Variants in WWOX observed in about 807,000 individuals in gnomAD.
WWOX encodes the protein WW domain-containing oxidoreductase.
Under a neutral mutation model 46.2 loss-of-function variants are expected in WWOX, and 69 were observed. That is an observed-to-expected ratio of 1.49 (90% CI 1.23 to 1.82). The LOEUF is 1.82. Among genes scored for constraint, WWOX ranks in the 40% most tolerant of loss-of-function variants. WWOX has a pLI of 0.00. For synonymous variants in WWOX, 359 were observed against 202.6 expected (o/e 1.77, Z -6.56); for missense variants, 919 against 542.6 (o/e 1.69, Z -6.89).
chr16:78,413,744 G>T (rs968782534), intron 6 of WWOX, among the ~76,000 whole-genome samples: 5 of 152,022 alleles, frequency 3.3e-5, no homozygotes, highest in African/African-American at 4.8e-5. Flanking sequence ...GGGAATCAAA[G>T]GTGCCCTCCT....
At position 78,914,570 on chromosome 16, in the gene WWOX, A is replaced by G. The variant is rs747413778; in HGVS notation, c.1057-297038A>G. On this transcript the variant is annotated intron_variant, in intron 8 of 8. Transcript: ENST00000566780. Reference sequence around the variant, plus strand: ...ACAGAGTGTGGGATCAAGAACTTTTAGGCACTGTGAGTATAAGAGGGAAAC... The same window carrying G: ...ACAGAGTGTGGGATCAAGAACTTTTGGGCACTGTGAGTATAAGAGGGAAAC... Among the ~76,000 whole-genome samples the G allele has an allele frequency of 6.6e-5, 10 of 152,004 alleles. 1 individual carries two copies. Among genetic ancestry groups the G allele is most frequent in the Non-Finnish European group, 1.2e-4 (8 of 67,988 alleles).
intron 8 of WWOX, among the ~76,000 whole-genome samples, chr16:78,435,090 A>G (rs2083304165): frequency 1.3e-5 from 2 of 152,196 alleles, no homozygotes; most frequent in African/African-American, 4.8e-5. Context: ...CGGTGACTGT[A>G]TCATGATATC....
At chr16:79,078,275 C>G (rs1367902474) in intron 8 of WWOX, 3 of 152,220 alleles carry the variant, frequency 2.0e-5, no homozygotes, top group East Asian at 3.9e-4. Flanking sequence ...TGACACAACT[C>G]TTCCTTGAAT....
At chr16:78,969,123 G>C (rs920914933) in intron 8 of WWOX, among the ~76,000 whole-genome samples, 2 of 152,120 alleles carry the variant, frequency 1.3e-5, no homozygotes, top group Non-Finnish European at 2.9e-5. Flanking sequence ...GGAGCAGTCA[G>C]GGGACTCCCT....
chr16:78,331,555 G>A (rs1187809771), intron 5 of WWOX, among the ~76,000 whole-genome samples: 1 of 152,184 alleles, frequency 6.6e-6, no homozygotes, highest in Non-Finnish European at 1.5e-5. Context: ...GGTGTAAGTA[G>A]GAGAGTCTAC....
intron 5 of WWOX, among the ~76,000 whole-genome samples, chr16:78,332,459 A>C (rs1218484695): frequency 1.3e-5 from 2 of 152,214 alleles, no homozygotes; most frequent in African/African-American, 4.8e-5. Context: ...GAATTCCTGC[A>C]CTAACAAGGT....
At chr16:78,262,382 T>C (rs976696294) in intron 5 of WWOX, among the ~76,000 whole-genome samples, 1 of 152,212 alleles carries the variant, frequency 6.6e-6, no homozygotes, top group Non-Finnish European at 1.5e-5. Context: ...GAAGTCTACA[T>C]TTGCTCTCAA....
intron 8 of WWOX, among the ~76,000 whole-genome samples, chr16:79,171,646 G>C (rs1201647484): frequency 6.6e-6 from 1 of 152,106 alleles, no homozygotes; most frequent in African/African-American, 2.4e-5. Flanking sequence ...AAGGGAGACT[G>C]GTTCTTCACT....
chr16:79,138,892 C>T (rs1484672948), intron 8 of WWOX, among the ~76,000 whole-genome samples: 3 of 152,190 alleles, frequency 2.0e-5, no homozygotes, highest in Admixed American at 6.5e-5. Flanking sequence ...GAGCAGAGAG[C>T]ACAGCAGGCT....
chr16:78,478,148 G>T (rs562268964), intron 8 of WWOX, among the ~76,000 whole-genome samples: 110 of 152,044 alleles, frequency 7.2e-4, no homozygotes, highest in Non-Finnish European at 1.8e-4. Flanking sequence ...AGGTATGTAC[G>T]GTTTAAAGTG....
chr16:78,664,472 A>C (rs1476054618), intron 8 of WWOX, among the ~76,000 whole-genome samples: 1 of 152,184 alleles, frequency 6.6e-6, no homozygotes, highest in Non-Finnish European at 1.5e-5. Flanking sequence ...GATCATTACC[A>C]GCCTGTACCC....
intron 8 of WWOX, among the ~76,000 whole-genome samples, chr16:78,602,444 G>C (rs1373204721): frequency 3.3e-5 from 5 of 152,136 alleles, no homozygotes; most frequent in Admixed American, 3.3e-4. Context: ...ATATTGGCCA[G>C]GCTGATCTCG....
chr16:78,748,505 A>G lies in WWOX; in HGVS notation c.1056+315753A>G, dbSNP rs188232419. ...GTTCACCTTTCGGCTCCTTTCTGCC[A>G]TTCTTATTAGGGTCTTGCCCCATCT... On this transcript the variant is annotated intron_variant, in intron 8 of 8. Transcript: ENST00000566780. Among the ~76,000 whole-genome samples the G allele has an allele frequency of 1.8e-3, 281 of 152,282 alleles. 1 individual carries two copies. The highest frequency in any genetic ancestry group is 6.2e-3 in the African/African-American group (258 of 41,558).
At chr16:78,571,967 G>A (rs926900383) in intron 8 of WWOX, among the ~76,000 whole-genome samples, 13 of 152,224 alleles carry the variant, frequency 8.5e-5, no homozygotes, top group Admixed American at 6.5e-5. Context: ...CTGGAAGGAT[G>A]TGGAGAAATA....
At chr16:79,176,028 C>T (rs2050793469) in intron 8 of WWOX, among the ~76,000 whole-genome samples, 2 of 152,178 alleles carry the variant, frequency 1.3e-5, no homozygotes, top group Admixed American at 6.5e-5. Context: ...ACTGGATTTT[C>T]CCTTTGTCTC....
intron 8 of WWOX, among the ~76,000 whole-genome samples, chr16:78,979,114 A>G (rs538105886): frequency 1.1e-4 from 16 of 148,578 alleles, no homozygotes; most frequent in Admixed American, 9.4e-4. Flanking sequence ...ATACAGACAC[A>G]GGAAGTATAT....
At chr16:78,734,696 T>C (rs2049043815) in intron 8 of WWOX, among the ~76,000 whole-genome samples, 1 of 151,928 alleles carries the variant, frequency 6.6e-6, no homozygotes, top group Non-Finnish European at 1.5e-5. Context: ...GAGGTGAACA[T>C]TTAAATCAGT....
At chr16:78,985,403 G>C (rs1287673529) in intron 8 of WWOX, among the ~76,000 whole-genome samples, 1 of 152,052 alleles carries the variant, frequency 6.6e-6, no homozygotes, top group Non-Finnish European at 1.5e-5. Context: ...CAGGGTCCCC[G>C]TGCCATGAAT....
chr16:78,365,127 G>T (rs1192680702), intron 5 of WWOX, among the ~76,000 whole-genome samples: 1 of 152,146 alleles, frequency 6.6e-6, no homozygotes, highest in Admixed American at 6.5e-5. Context: ...AAATGAAGAT[G>T]CTAATACCTA....
Sources: gnomAD v4.1 joint callset for allele counts (sites outside exome capture counted in the v4.1 genomes callset) on GRCh38, gnomAD v4.1.1 for gene constraint, MANE v1.5 for transcripts, NCBI Gene and HGNC (gene_info 2026-07-23, HGNC 2026-07-21) for gene names.